LINGO2: variants seen among roughly 807,000 people sequenced by gnomAD.
The protein encoded by LINGO2 is leucine-rich repeat and immunoglobulin-like domain-containing nogo receptor-interacting protein 2.
LINGO2 carries 14 observed loss-of-function variants against 30.6 expected under a neutral mutation model. The ratio of observed to expected loss-of-function variants is 0.46; its 90% CI spans 0.30 to 0.72. The LOEUF is 0.72. LINGO2 is among the 30% of genes least tolerant of loss of function. LINGO2 has a pLI of 0.07. For missense variants in LINGO2, 729 were observed against 751.7 expected, an observed-to-expected ratio of 0.97 and a Z score of 0.35; for synonymous variants, 317 against 288.5, an observed-to-expected ratio of 1.10 and a Z score of -1.00.
the LINGO2 span, among the ~76,000 whole-genome samples, chr9:28,945,220 G>A: frequency 2.0e-5 from 3 of 152,140 alleles, no homozygotes; most frequent in Non-Finnish European, 2.9e-5. Flanking sequence ...TCTGTAAAAT[G>A]AGGATACAAA....
intron 4 of LINGO2, among the ~76,000 whole-genome samples, chr9:28,162,425 C>CT (rs1403712236): frequency 6.6e-6 from 1 of 152,016 alleles, no homozygotes; most frequent in Non-Finnish European, 1.5e-5. Flanking sequence ...ATTCATCTAG[C>CT]TTGGTTCAGA....
intron 4 of LINGO2, among the ~76,000 whole-genome samples, chr9:28,098,062 C>T (rs72724976): frequency 0.093 from 14,166 of 152,060 alleles, 766 homozygotes; most frequent in African/African-American, 0.15. Flanking sequence ...CCCAATACTA[C>T]GGGAGGCCGT....
chr9:29,190,067 G>GAGGGGA, the LINGO2 span, among the ~76,000 whole-genome samples: 1 of 144,604 alleles, frequency 6.9e-6, no homozygotes, highest in African/African-American at 2.6e-5. Flanking sequence ...GGGGGAGGGG[G>GAGGGGA]AGCTACATTT....
At chr9:28,301,088 G>A (rs568204475) in intron 3 of LINGO2, among the ~76,000 whole-genome samples, 1 of 152,284 alleles carries the variant, frequency 6.6e-6, no homozygotes, top group African/African-American at 2.4e-5. Context: ...TCAGAGCCAA[G>A]TGTATCTCTT....
At chr9:28,834,572 C>T in the LINGO2 span, among the ~76,000 whole-genome samples, 4 of 152,080 alleles carry the variant, frequency 2.6e-5, no homozygotes, top group Admixed American at 2.6e-4. Flanking sequence ...TAATTAATAA[C>T]ACCTGGAAGT....
chr9:28,058,693 A>G (rs1333781659), intron 4 of LINGO2, among the ~76,000 whole-genome samples: 1 of 152,158 alleles, frequency 6.6e-6, no homozygotes, highest in Non-Finnish European at 1.5e-5. Flanking sequence ...AGGTAAATAT[A>G]GTAACAGTCT....
intron 1 of LINGO2, among the ~76,000 whole-genome samples, chr9:28,657,118 C>CAA (rs35655926): frequency 1.3e-5 from 2 of 151,294 alleles, no homozygotes; most frequent in Non-Finnish European, 2.9e-5. Flanking sequence ...CTTGACCCAC[C>CAA]AAAAAAAATG....
the LINGO2 span, among the ~76,000 whole-genome samples, chr9:28,973,893 A>C: frequency 6.6e-6 from 1 of 152,226 alleles, no homozygotes. Flanking sequence ...AGATATGTTA[A>C]AGTGAGTACT....
At chr9:29,188,563 T>C in the LINGO2 span, among the ~76,000 whole-genome samples, 1 of 152,156 alleles carries the variant, frequency 6.6e-6, no homozygotes, top group Non-Finnish European at 1.5e-5. Context: ...ATTGTCATCA[T>C]GGCCCGTTCT....
chr9:28,553,623 G>T (rs140256890), intron 1 of LINGO2, among the ~76,000 whole-genome samples: 2 of 151,896 alleles, frequency 1.3e-5, no homozygotes, highest in African/African-American at 4.8e-5. Context: ...GCAGGCCAAC[G>T]TTCAGATTCA....
the LINGO2 span, among the ~76,000 whole-genome samples, chr9:28,710,987 C>A: frequency 3.9e-5 from 6 of 151,920 alleles, no homozygotes; most frequent in East Asian, 1.2e-3. Context: ...ATGATGTAGG[C>A]TCTGCAGACA....
intron 1 of LINGO2, among the ~76,000 whole-genome samples, chr9:28,493,689 G>T (rs1182636886): frequency 1.3e-5 from 2 of 152,130 alleles, no homozygotes; most frequent in African/African-American, 2.4e-5. Flanking sequence ...CCTAGGTGTT[G>T]TCTGTGAGGG....
At chr9:28,004,063 A>G (rs1056560361) in intron 5 of LINGO2, among the ~76,000 whole-genome samples, 3 of 152,222 alleles carry the variant, frequency 2.0e-5, no homozygotes, top group Non-Finnish European at 4.4e-5. Context: ...CAATGAAATA[A>G]TCAAACTAGC....
At chr9:29,189,601 C>T in the LINGO2 span, among the ~76,000 whole-genome samples, 1 of 152,060 alleles carries the variant, frequency 6.6e-6, no homozygotes, top group African/African-American at 2.4e-5. Context: ...CTCCTCACTT[C>T]CCAGACGGGG....
the LINGO2 span, among the ~76,000 whole-genome samples, chr9:29,180,817 A>G: frequency 6.6e-6 from 1 of 152,356 alleles, no homozygotes; most frequent in African/African-American, 2.4e-5. Flanking sequence ...TGATATTATG[A>G]CTACAATATC....
intron 1 of LINGO2, among the ~76,000 whole-genome samples, chr9:28,604,072 G>C (rs140818735): frequency 6.6e-6 from 1 of 151,718 alleles, no homozygotes; most frequent in Admixed American, 6.6e-5. Flanking sequence ...ATTCTCTATG[G>C]CCTTTTACAG....
chr9:28,171,883 G>A (rs550373861), intron 4 of LINGO2, among the ~76,000 whole-genome samples: 10 of 150,704 alleles, frequency 6.6e-5, no homozygotes, highest in South Asian at 2.1e-4. Context: ...TTAGCCAGGC[G>A]TGGTGGCGGG....
At chr9:28,606,172 C>A (rs770488321) in intron 1 of LINGO2, among the ~76,000 whole-genome samples, 14 of 151,886 alleles carry the variant, frequency 9.2e-5, no homozygotes, top group Non-Finnish European at 1.9e-4. Context: ...TGTCTGCTAC[C>A]GTGACAACAT....
At chr9:28,929,924 C>G in the LINGO2 span, among the ~76,000 whole-genome samples, 8 of 152,108 alleles carry the variant, frequency 5.3e-5, no homozygotes, top group Non-Finnish European at 1.2e-4. Flanking sequence ...TCCTTAACAC[C>G]TTTCTGAGAA....
Sources: allele counts gnomAD v4.1 joint callset (sites outside exome capture counted in the v4.1 genomes callset), GRCh38; gene constraint gnomAD v4.1.1; transcripts MANE v1.5; gene names NCBI Gene and HGNC (gene_info 2026-07-23, HGNC 2026-07-21).